SPATA17: variants seen among roughly 807,000 people sequenced by gnomAD.
SPATA17 encodes the protein spermatogenesis associated 17.
In SPATA17, 53 loss-of-function variants were observed where a neutral mutation model predicts 62.2. That is an observed-to-expected ratio of 0.85 (90% confidence interval 0.68 to 1.07). The LOEUF is 1.07. SPATA17 is among the 50% of genes least tolerant of loss of function. The pLI, the probability that SPATA17 is intolerant of heterozygous loss-of-function variation, is 0.00. For missense variants in SPATA17, 466 were observed against 425.5 expected, an observed-to-expected ratio of 1.10 and a Z score of -0.84; for synonymous variants, 146 against 146.8, an observed-to-expected ratio of 0.99 and a Z score of 0.04.
chr1:217,765,098 A>G (rs943945864), intron 6 of SPATA17, among the ~76,000 whole-genome samples: 2 of 151,950 alleles, frequency 1.3e-5, no homozygotes, highest in Non-Finnish European at 2.9e-5. Context: ...TTTAATATCC[A>G]TGAGATCTGT....
intron 3 of SPATA17, among the ~76,000 whole-genome samples, chr1:217,655,302 G>C (rs937374288): frequency 6.6e-6 from 1 of 152,076 alleles, no homozygotes; most frequent in Non-Finnish European, 1.5e-5. Context: ...ATTTTTGCTT[G>C]CTAGTGTTTC....
chr1:217,802,221 A>G (rs1036028841), intron 9 of SPATA17, among the ~76,000 whole-genome samples: 2 of 152,112 alleles, frequency 1.3e-5, no homozygotes, highest in African/African-American at 4.8e-5. Flanking sequence ...ATGTTTATAG[A>G]TAGCTAAATA....
intron 3 of SPATA17, among the ~76,000 whole-genome samples, chr1:217,665,954 C>G (rs1670684806): frequency 6.6e-6 from 1 of 152,170 alleles, no homozygotes; most frequent in Non-Finnish European, 1.5e-5. Context: ...GGAATTCTTC[C>G]TATCCTATCT....
chr1:217,722,084 G>T (rs1417270396), intron 5 of SPATA17, among the ~76,000 whole-genome samples: 1 of 151,966 alleles, frequency 6.6e-6, no homozygotes, highest in Non-Finnish European at 1.5e-5. Context: ...TCATTCCATG[G>T]TAGGACCTGT....
chr1:217,847,239 G>A (rs1675550513), intron 9 of SPATA17, among the ~76,000 whole-genome samples: 1 of 151,880 alleles, frequency 6.6e-6, no homozygotes, highest in South Asian at 2.1e-4. Flanking sequence ...TATTCTTGCA[G>A]TTGACTTTCA....
intron 9 of SPATA17, among the ~76,000 whole-genome samples, chr1:217,823,609 C>T (rs1674920888): frequency 6.6e-6 from 1 of 151,936 alleles, no homozygotes; most frequent in Non-Finnish European, 1.5e-5. Flanking sequence ...CTCATTTCTT[C>T]TCAAGGTCAT....
rs1672696437 is a variant in SPATA17, at chr1:217,744,233, C to T, written c.519+2135C>T. Among the ~76,000 whole-genome samples the T allele has an allele frequency of 4.2e-5, 2 of 47,326 alleles. 1 individual carries two copies. The highest frequency in any genetic ancestry group is 1.7e-4 in the Non-Finnish European group (2 of 12,038). 31.0% of individuals were successfully genotyped at this position (47,326 alleles called of 152,430 possible). A position where few individuals can be genotyped will look rare whatever the true frequency, so the allele number is the denominator to read the frequency against. The stretch of plus-strand genomic sequence containing the variant: ...ATCCCAGCACTTTGGGAGGCCGAGG[C>T]GGGCGGATCACGAGGTCAAGAGATC... On this transcript the variant is annotated intron_variant, in intron 6 of 10. Transcript: ENST00000366933.
At chr1:217,759,949 T>G (rs1468039013) in intron 6 of SPATA17, among the ~76,000 whole-genome samples, 1 of 152,182 alleles carries the variant, frequency 6.6e-6, no homozygotes, top group Non-Finnish European at 1.5e-5. Flanking sequence ...ACAGTAATGA[T>G]AGACTGAAAG....
At chr1:217,715,172 C>T (rs1162057791) in intron 5 of SPATA17, among the ~76,000 whole-genome samples, 1 of 152,072 alleles carries the variant, frequency 6.6e-6, no homozygotes, top group Non-Finnish European at 1.5e-5. Context: ...ACACACATTA[C>T]ATTATATGTT....
At chr1:217,734,004 GTAGA>G (rs1037867132) in intron 5 of SPATA17, among the ~76,000 whole-genome samples, 2 of 152,130 alleles carry the variant, frequency 1.3e-5, no homozygotes, top group African/African-American at 4.8e-5. Flanking sequence ...GCAAAATAAG[GTAGA>G]TAAAGTAAGT....
chr1:217,850,742 T>G, intron 9 of SPATA17: 1 of 759,774 alleles, frequency 1.3e-6, no homozygotes, highest in Non-Finnish European at 2.1e-6. Context: ...CCAGAATATT[T>G]TATTCATACA....
intron 5 of SPATA17, among the ~76,000 whole-genome samples, chr1:217,684,314 C>T (rs1257639148): frequency 6.6e-6 from 1 of 152,074 alleles, no homozygotes; most frequent in African/African-American, 2.4e-5. Flanking sequence ...GCATATAGTA[C>T]ATTTTGATAA....
chr1:217,681,892 A>G (rs983297730), intron 4 of SPATA17, among the ~76,000 whole-genome samples: 8 of 152,108 alleles, frequency 5.3e-5, no homozygotes, highest in African/African-American at 1.9e-4. Context: ...ATGAAACCCA[A>G]TGGACTGGTG....
intron 10 of SPATA17, among the ~76,000 whole-genome samples, chr1:217,864,458 G>A (rs906479351): frequency 6.6e-6 from 1 of 151,994 alleles, no homozygotes; most frequent in African/African-American, 2.4e-5. Flanking sequence ...AGTACGCTGT[G>A]TAGTCTTATT....
chr1:217,856,676 C>A (rs1037958127), intron 9 of SPATA17, among the ~76,000 whole-genome samples: 5 of 152,130 alleles, frequency 3.3e-5, no homozygotes, highest in Non-Finnish European at 5.9e-5. Context: ...AGCTTTAGAA[C>A]AACACAAATA....
At chr1:217,694,273 T>TA in intron 5 of SPATA17, among the ~76,000 whole-genome samples, 1 of 90,334 alleles carries the variant, frequency 1.1e-5, no homozygotes, top group East Asian at 2.9e-4. Context: ...TTTTGATCTT[T>TA]GTTGGTTTAA....
At chr1:217,644,574 G>A (rs1317460425) in intron 1 of SPATA17, among the ~76,000 whole-genome samples, 4 of 152,018 alleles carry the variant, frequency 2.6e-5, no homozygotes, top group African/African-American at 9.7e-5. Flanking sequence ...ACTAAGCACA[G>A]TCTGTTGATG....
chr1:217,651,517 G>C (rs1285063179), intron 3 of SPATA17, among the ~76,000 whole-genome samples: 1 of 152,078 alleles, frequency 6.6e-6, no homozygotes, highest in African/African-American at 2.4e-5. Context: ...CTTCCTTTTT[G>C]GATCACCAAC....
At chr1:217,827,887 G>C (rs999544772) in intron 9 of SPATA17, among the ~76,000 whole-genome samples, 1 of 152,226 alleles carries the variant, frequency 6.6e-6, no homozygotes, top group East Asian at 1.9e-4. Flanking sequence ...TGTTGGGAGA[G>C]AGCAGGGAGA....
Sources: allele counts gnomAD v4.1 joint callset (sites outside exome capture counted in the v4.1 genomes callset), GRCh38; gene constraint gnomAD v4.1.1; transcripts MANE v1.5; gene names NCBI Gene and HGNC (gene_info 2026-07-23, HGNC 2026-07-21).